SPART: variants seen among roughly 807,000 people sequenced by gnomAD.
SPART encodes the protein spartin.
SPART carries 35 observed loss-of-function variants against 58.7 expected under a neutral mutation model. The observed-to-expected ratio is 0.60, with a 90% CI of 0.46 to 0.79. The LOEUF is 0.79. Ranked by LOEUF, SPART falls within the 30% of genes least tolerant of loss-of-function variation. The probability of loss-of-function intolerance (pLI) is 0.00; values close to 1 mark genes in which losing one functional copy is unlikely to be tolerated. For synonymous variants in SPART, 284 were observed against 280.7 expected (o/e 1.01, Z -0.12); for missense variants, 730 against 786.1 (o/e 0.93, Z 0.85).
chr13:36,333,686 G>A (rs569470681), intron 2 of SPART, among the ~76,000 whole-genome samples: 6 of 152,062 alleles, frequency 3.9e-5, no homozygotes, highest in African/African-American at 7.2e-5. Context: ...ATGTAACCAC[G>A]GTACAGTATT....
chr13:36,368,134 C>A, intron 1 of SPART: 1 of 446,280 alleles, frequency 2.2e-6, no homozygotes. Context: ...AAGAGTCGGG[C>A]ATATTTTAAA....
chr13:36,310,852 CT>C (rs35513465), intron 8 of SPART, among the ~76,000 whole-genome samples: 36,951 of 152,060 alleles, frequency 0.24, 4,900 homozygotes, highest in East Asian at 0.51. Context: ...CTCGTGCTCC[CT>C]TGTTCACCCA....
At chr13:36,340,675 A>G (rs983376349) in intron 1 of SPART, among the ~76,000 whole-genome samples, 1 of 152,136 alleles carries the variant, frequency 6.6e-6, no homozygotes, top group Admixed American at 6.5e-5. Flanking sequence ...AGTTTCCAAG[A>G]TAACAATTAG....
At chr13:36,309,556 T>TA (rs35762352) in intron 8 of SPART, among the ~76,000 whole-genome samples, 36,909 of 151,842 alleles carry the variant, frequency 0.24, 4,889 homozygotes, top group East Asian at 0.51. Flanking sequence ...TACACAGCCC[T>TA]AAAAAAATGA....
At chr13:36,346,743 T>G (rs1038212183), upstream of SPART, 1 of 152,558 alleles carries the variant, frequency 6.6e-6, no homozygotes, top group Non-Finnish European at 1.5e-5. Context: ...TGCGGCCACG[T>G]CGGCTGCTCG....
chr13:36,335,270 A>G lies in SPART; in HGVS notation c.561T>C (p.Tyr187=), dbSNP rs921671752. 4 of 1,614,052 alleles carry G rather than the reference A, an allele frequency of 2.5e-6. No homozygotes were observed. In the African/African-American group the frequency reaches 4.0e-5, roughly 16 times the overall value. The part of the protein sequence containing the change: ...QAAEGHYTVS[Y]GTDSGEFSSV... ...ATGAAAACTCCCCAGAATCTGTTCC[A>G]TAGGATACAGTGTAGTGACCTTCAG... Residue 187 remains tyrosine (Y), a synonymous_variant, in exon 2 of 9, where the codon TAT becomes TAC. Coordinates refer to ENST00000438666, the MANE Select transcript of SPART (RefSeq NM_015087.5).
At chr13:36,352,361 T>C (rs572575289) in intron 1 of SPART, among the ~76,000 whole-genome samples, 1 of 152,338 alleles carries the variant, frequency 6.6e-6, no homozygotes, top group African/African-American at 2.4e-5. Flanking sequence ...AAATTGTACT[T>C]TTTATATTAT....
At chr13:36,322,431 A>G (rs151223704) in intron 5 of SPART, among the ~76,000 whole-genome samples, 1 of 105,446 alleles carries the variant, frequency 9.5e-6, no homozygotes, top group Non-Finnish European at 2.1e-5. Flanking sequence ...TGGGTAACAG[A>G]GCGAGACTCT....
chr13:36,360,657 T>A (rs921889322), intron 1 of SPART: 3 of 152,658 alleles, frequency 2.0e-5, no homozygotes, highest in Non-Finnish European at 2.9e-5. Context: ...TTTTTAGAGA[T>A]CTGTGAAAAT....
At chr13:36,314,185 A>T in intron 6 of SPART, 42 bp downstream of exon 6, 1 of 1,563,198 alleles carries the variant, frequency 6.4e-7, no homozygotes, top group South Asian at 1.1e-5. Flanking sequence ...ACATTATTTT[A>T]AATATAACTT....
At chr13:36,326,250 G>A in intron 5 of SPART, 1 of 348,470 alleles carries the variant, frequency 2.9e-6, no homozygotes, top group Non-Finnish European at 5.5e-6. Context: ...CAGGGGTAGG[G>A]GGAGGTTAAG....
chr13:36,317,474 T>G (rs1881840506), intron 5 of SPART, among the ~76,000 whole-genome samples: 1 of 151,480 alleles, frequency 6.6e-6, no homozygotes, highest in African/African-American at 2.4e-5. Flanking sequence ...TGCCCTAACT[T>G]AACTCTGCGC....
intron 1 of SPART, among the ~76,000 whole-genome samples, chr13:36,344,971 AT>A (rs1387986793): frequency 6.6e-6 from 1 of 152,254 alleles, no homozygotes; most frequent in East Asian, 1.9e-4. Context: ...GTCTTAAAAA[AT>A]ACCCGAGAAA....
intron 5 of SPART, among the ~76,000 whole-genome samples, chr13:36,319,248 T>C (rs566785818): frequency 1.1e-4 from 17 of 151,734 alleles, no homozygotes; most frequent in Admixed American, 1.1e-3. Context: ...TGACTATTCC[T>C]GGACTACAGC....
intron 5 of SPART, among the ~76,000 whole-genome samples, chr13:36,322,404 G>A (rs1056719565): frequency 1.3e-5 from 2 of 152,014 alleles, no homozygotes; most frequent in Non-Finnish European, 1.5e-5. Flanking sequence ...CTGAGATAGC[G>A]TCACTGCACT....
chr13:36,322,910 G>A (rs1882564581), intron 5 of SPART, among the ~76,000 whole-genome samples: 1 of 152,166 alleles, frequency 6.6e-6, no homozygotes, highest in Non-Finnish European at 1.5e-5. Context: ...TAGGCCAATG[G>A]AGTCCCAGAA....
At chr13:36,338,221 A>G (rs923649898) in intron 1 of SPART, among the ~76,000 whole-genome samples, 1 of 152,194 alleles carries the variant, frequency 6.6e-6, no homozygotes, top group African/African-American at 2.4e-5. Context: ...ATTTAAGATC[A>G]GGGTACTATA....
intron 1 of SPART, chr13:36,345,525 C>T (rs977921172): frequency 1.3e-5 from 2 of 152,164 alleles, no homozygotes; most frequent in African/African-American, 4.8e-5. Context: ...TAAGGCCAAC[C>T]TCGAGGATCC....
intron 6 of SPART, chr13:36,312,728 G>C: frequency 1.9e-6 from 1 of 536,924 alleles, no homozygotes; most frequent in Admixed American, 3.2e-5. Flanking sequence ...CAGGCATGAA[G>C]CATAGACTGG....
Sources: allele counts gnomAD v4.1 joint callset (sites outside exome capture counted in the v4.1 genomes callset), GRCh38; gene constraint gnomAD v4.1.1; transcripts MANE v1.5; gene names NCBI Gene and HGNC (gene_info 2026-07-23, HGNC 2026-07-21).